ECPAS: variants seen among roughly 807,000 people sequenced by gnomAD.
The protein encoded by ECPAS is Ecm29 proteasome adaptor and scaffold.
In ECPAS, 70 loss-of-function variants were observed where a neutral mutation model predicts 255.1. That is an observed-to-expected ratio of 0.27 (90% CI 0.23 to 0.33). The LOEUF (loss-of-function observed/expected upper bound fraction) is 0.33. Among genes scored for constraint, ECPAS ranks in the 10% least tolerant of loss-of-function variants. The pLI is 1.00. For synonymous variants in ECPAS, 784 were observed against 775.0 expected, an observed-to-expected ratio of 1.01 and a Z score of -0.19; for missense variants, 1,817 against 2,206.4, an observed-to-expected ratio of 0.82 and a Z score of 3.54.
chr9:111,449,766 C>A (rs918523869), intron 3 of ECPAS, among the ~76,000 whole-genome samples: 5 of 152,170 alleles, frequency 3.3e-5, no homozygotes, highest in South Asian at 2.1e-4. Context: ...GATGGAGGCA[C>A]TACCATCAAT....
chr9:111,366,472 A>C (rs200904600), intron 47 of ECPAS, 50 bp downstream of exon 47: 1 of 1,425,074 alleles, frequency 7.0e-7, no homozygotes, highest in African/African-American at 1.4e-5. Context: ...TTATACATAA[A>C]ATGCTGCGGG....
chr9:111,390,419 G>A lies in ECPAS; in HGVS notation c.3162-318C>T, dbSNP rs188648182. Among the ~76,000 whole-genome samples the A allele has an allele frequency of 7.9e-5, 12 of 152,266 alleles. No individual in the cohort carries two copies. In the East Asian group the frequency reaches 1.5e-3, roughly 20 times the overall value. ...TTCATTATGTTATGCATAATCTCAC[G>A]TGATCATAAGAGAGTCATTGGAAGA... is the stretch of plus-strand genomic sequence containing the variant. On this transcript the variant is annotated intron_variant, in intron 29 of 49. Coordinates refer to ENST00000684092, the MANE Select transcript of ECPAS (RefSeq NM_001364929.1).
intron 16 of ECPAS, among the ~76,000 whole-genome samples, chr9:111,419,703 C>T (rs1054873174): frequency 1.3e-5 from 2 of 151,140 alleles, no homozygotes; most frequent in Non-Finnish European, 2.9e-5. Flanking sequence ...AATTATATTA[C>T]ACACGCAATC....
intron 24 of ECPAS, among the ~76,000 whole-genome samples, chr9:111,397,962 A>G (rs536696378): frequency 1.3e-5 from 2 of 152,362 alleles, no homozygotes; most frequent in East Asian, 1.9e-4. Context: ...AAATGTTGAC[A>G]TGATTCACTA....
chr9:111,432,411 C>T (rs2098231383), intron 8 of ECPAS, among the ~76,000 whole-genome samples: 2 of 152,138 alleles, frequency 1.3e-5, no homozygotes, highest in Non-Finnish European at 1.5e-5. Context: ...CTCAGGAGTT[C>T]GAGAGCAGCC....
In ECPAS at chr9:111,362,176, G is replaced by GAAAAAAAAAAAAAAA. The variant is rs3837272; in HGVS notation, c.5381-8_5381-7insTTTTTTTTTTTTTTT. On this transcript the variant is annotated splice_region_variant and splice_polypyrimidine_tract_variant and intron_variant, in intron 49 of 49. Transcript: ENST00000684092. ...CATTCCCACTGTTTAGATTCTGCAT[G>GAAAAAAAAAAAAAAA]AAAAAAAAAAAACAAAAACAAAAAA... The GAAAAAAAAAAAAAAA allele has an allele frequency of 2.5e-6, 3 of 1,188,694 alleles. No individual in the cohort carries two copies. The highest frequency in any genetic ancestry group is 2.8e-5 in the East Asian group (1 of 35,552). 73.6% of individuals were successfully genotyped at this position (1,188,694 alleles called of 1,614,324 possible).
intron 1 of ECPAS, among the ~76,000 whole-genome samples, chr9:111,480,291 TC>T (rs375064037): frequency 0.018 from 2,285 of 124,986 alleles, 60 homozygotes; most frequent in East Asian, 0.041. Flanking sequence ...AAGCACCTTT[TC>T]TTTTTTTTTT....
At chr9:111,415,817 T>C (rs2098202687) in intron 18 of ECPAS, among the ~76,000 whole-genome samples, 1 of 152,038 alleles carries the variant, frequency 6.6e-6, no homozygotes, top group South Asian at 2.1e-4. Context: ...AGGCAGCAAA[T>C]TCACTGTGAA....
Position 111,423,931 on chromosome 9 carries a change from C to T in ECPAS, c.1216-683G>A, listed in dbSNP as rs72764779. Among the ~76,000 whole-genome samples, 1,036 of 152,316 alleles carry T rather than the reference C, an allele frequency of 6.8e-3. 4 individuals are homozygous for T. Among genetic ancestry groups the T allele is most frequent in the Non-Finnish European group, 0.012 (804 of 68,026 alleles). On this transcript the variant is annotated intron_variant, in intron 12 of 49. Coordinates refer to ENST00000684092, the MANE Select transcript of ECPAS (RefSeq NM_001364929.1). ...GATTTGCCCTTCCACATCTAAATGG[C>T]TACTCTTATGGATTCATCTGTTGGG...
intron 9 of ECPAS, among the ~76,000 whole-genome samples, chr9:111,430,206 G>A (rs990697835): frequency 2.0e-5 from 3 of 152,094 alleles, no homozygotes; most frequent in African/African-American, 7.2e-5. Context: ...ATGCTCATTC[G>A]GTTATGTATT....
intron 24 of ECPAS, among the ~76,000 whole-genome samples, chr9:111,399,118 T>C (rs2098171763): frequency 6.6e-6 from 1 of 152,162 alleles, no homozygotes; most frequent in African/African-American, 2.4e-5. Flanking sequence ...TTATTAAGCA[T>C]TGCATGTCTG....
At chr9:111,388,539 C>A (rs2098154096) in intron 31 of ECPAS, among the ~76,000 whole-genome samples, 2 of 151,472 alleles carry the variant, frequency 1.3e-5, no homozygotes, top group Admixed American at 6.6e-5. Flanking sequence ...TAGTAAGGAT[C>A]ATGGAATTTA....
intron 21 of ECPAS, among the ~76,000 whole-genome samples, chr9:111,411,492 C>A (rs2098194376): frequency 6.6e-6 from 1 of 152,344 alleles, no homozygotes; most frequent in South Asian, 2.1e-4. Flanking sequence ...AATATCATAA[C>A]TTTCACACAT....
rs920091051 is a variant in ECPAS, at chr9:111,369,317, T to G, written c.4975-144A>C. 5.5e-6 allele frequency: 3 copies of G among 548,912 alleles called. No homozygotes were observed. In the African/African-American group the frequency reaches 5.9e-5, roughly 11 times the overall value. The allele number at this position is 548,912 out of a possible 1,614,324, so 34.0% of individuals were successfully genotyped here. On this transcript the variant is annotated intron_variant, in intron 45 of 49. Transcript: ENST00000684092. ...AATTCTCTACCATAAGTTTCCCTAT[T>G]TACAACAAGAATTTATAACCAGAAT...
At chr9:111,483,570 G>A (rs1056547798) in intron 1 of ECPAS, 3 of 792,886 alleles carry the variant, frequency 3.8e-6, no homozygotes, top group African/African-American at 3.8e-5. Flanking sequence ...AACGAGGGAG[G>A]GGCTGGGGGG....
At chr9:111,372,362 G>T in intron 42 of ECPAS, 67 bp downstream of exon 42, 2 of 1,409,866 alleles carry the variant, frequency 1.4e-6, no homozygotes, top group Non-Finnish European at 9.9e-7. Context: ...TATGAATAAC[G>T]AATGCAAGTA....
rs1412402896 is a variant in ECPAS, at chr9:111,375,104, T to C, written c.4110+9A>G. On this transcript the variant is annotated intron_variant, in intron 38 of 49. Coordinates refer to ENST00000684092, the MANE Select transcript of ECPAS (RefSeq NM_001364929.1). ...GATGCACATTTCCTCTTGTGGAAAGTACACTTACCTTAGTTCCAAGACCTA... is the reference window on the plus strand; with the variant it reads ...GATGCACATTTCCTCTTGTGGAAAGCACACTTACCTTAGTTCCAAGACCTA... The C allele has an allele frequency of 1.2e-6, 2 of 1,601,404 alleles. No homozygotes were observed. The highest frequency in any genetic ancestry group is 2.2e-5 in the South Asian group (2 of 90,750).
At position 111,392,805 on chromosome 9, in the gene ECPAS, C is replaced by A; in HGVS notation, c.3055G>T (p.Val1019Phe). 6.2e-7 allele frequency: 1 copy of A among 1,613,552 alleles called. No homozygotes were observed. The highest frequency in any genetic ancestry group is 8.5e-7 in the Non-Finnish European group (1 of 1,179,736). The change falls in exon 28 of 50, where the codon GTT (valine) becomes TTT (phenylalanine). Residue 1019 changes from valine (V) to phenylalanine (F), a missense_variant. This residue lies in a region of ECPAS where 960 missense variants were observed against 1,179.0 expected (regional missense o/e 0.81). Coordinates refer to ENST00000684092, the MANE Select transcript of ECPAS (RefSeq NM_001364929.1). The stretch of plus-strand genomic sequence containing the variant: ...ATAAGTGTTTCCACAAGTGTAGAAA[C>A]CAATTCCTGTTGATCTTGTTCATTG... ...LGNEQDQQEL[V>F]STLVETLMTG...
intron 33 of ECPAS, 112 bp downstream of exon 33, chr9:111,385,225 T>C (rs1442872303): frequency 1.6e-6 from 1 of 624,666 alleles, no homozygotes; most frequent in East Asian, 2.9e-5. Context: ...GGGGAAAACG[T>C]TGGTCTCTTA....
Sources: gnomAD v4.1 joint callset for allele counts (sites outside exome capture counted in the v4.1 genomes callset) on GRCh38, gnomAD v4.1.1 for gene constraint, gnomAD v4.1.1 regional missense constraint, MANE v1.5 for transcripts, NCBI Gene and HGNC (gene_info 2026-07-23, HGNC 2026-07-21) for gene names.